The following AQR variants were observed in gnomAD, a reference collection of about 807,000 sequenced individuals.
AQR encodes the protein aquarius intron-binding spliceosomal factor.
A neutral mutation model predicts 180.5 loss-of-function variants in AQR; 61 were observed. That is an observed-to-expected ratio of 0.34 (90% CI 0.28 to 0.42). The LOEUF (loss-of-function observed/expected upper bound fraction) is 0.42. AQR is among the 10% of genes least tolerant of loss of function. The pLI, the probability that AQR is intolerant of heterozygous loss-of-function variation, is 1.00. For synonymous variants in AQR, 551 were observed against 588.8 expected (o/e 0.94, Z 0.93); for missense variants, 1,281 against 1,798.3 (o/e 0.71, Z 5.20).
Position 34,904,435 on chromosome 15 carries a change from A to G in AQR, c.1902T>C (p.Tyr634=). The change falls in exon 19 of 35, where the codon TAT becomes TAC. Residue 634 remains tyrosine (Y), a synonymous_variant. Transcript: ENST00000156471. ...GTATAGTATTGGTCATATCTTGTTG[A>G]TACTGGTTTGGATCCAAAAACACTC... ...TFRVFLDPNQ[Y]QQDMTNTIQN... 2.5e-6 allele frequency: 4 copies of G among 1,612,416 alleles called. No individual in the cohort carries two copies. The highest frequency in any genetic ancestry group is 1.1e-5 in the South Asian group (1 of 90,796).
Position 34,873,891 on chromosome 15 carries a change from C to G in AQR, c.3534G>C (p.Gln1178His). The G allele has an allele frequency of 6.2e-7, 1 of 1,610,932 alleles. No homozygotes were observed. The highest frequency in any genetic ancestry group is 8.5e-7 in the Non-Finnish European group (1 of 1,178,190). ...TANAGLLYDF[Q>H]LINVEDFQGV... ...CTTGAAAATCTTCAACATTAATGAGCTGGAAGTCATACAGTAAGCCAGCAT... is the reference window on the plus strand; with the variant it reads ...CTTGAAAATCTTCAACATTAATGAGGTGGAAGTCATACAGTAAGCCAGCAT... Residue 1178 changes from glutamine to histidine, a missense_variant, in exon 30 of 35, where the codon CAG becomes CAC. Physicochemically the swap from Gln to His is conservative, Grantham distance 24 (BLOSUM62 0). Around this residue, in one of 9 missense-constraint regions of AQR, gnomAD observed 197 missense variants for 320.7 expected, o/e 0.61. Transcript: ENST00000156471.
intron 6 of AQR, among the ~76,000 whole-genome samples, 168 bp downstream of exon 6, chr15:34,944,120 C>T (rs151101392): frequency 2.6e-4 from 39 of 152,280 alleles, no homozygotes; most frequent in African/African-American, 8.9e-4. Flanking sequence ...ATCTTAAAGA[C>T]TTATAAAATG....
rs368693341 is a variant in AQR, at chr15:34,934,556, C to T, written c.783+15G>A. ...TAATGATTATATAACAAAAAAGTCACGGTAGATTTCTTACCTCTAGATCAA... is the reference window on the plus strand; with the variant it reads ...TAATGATTATATAACAAAAAAGTCATGGTAGATTTCTTACCTCTAGATCAA... On this transcript the variant is annotated intron_variant, in intron 10 of 34. Transcript: ENST00000156471. 41 of 1,567,706 alleles carry T rather than the reference C, an allele frequency of 2.6e-5. No individual in the cohort carries two copies. In the African/African-American group the frequency reaches 3.3e-4, roughly 13 times the overall value.
At position 34,944,324 on chromosome 15, in the gene AQR, G is replaced by A. The variant is rs1321891220; in HGVS notation, c.435C>T (p.Val145=). The A allele has an allele frequency of 6.2e-7, 1 of 1,607,926 alleles. No homozygotes were observed. Among genetic ancestry groups the A allele is most frequent in the Non-Finnish European group, 8.5e-7 (1 of 1,177,696 alleles). The change falls in exon 6 of 35, where the codon GTC becomes GTT. Residue 145 remains valine, a synonymous_variant. Coordinates refer to ENST00000156471, the MANE Select transcript of AQR (RefSeq NM_014691.3). ...DGEFSLHEQT[V]LLLFLDHCFN... is the part of the protein sequence containing the mutation. ...AGCAATGATCAAGAAAAAGTAGTAA[G>A]ACTGTCTGTTCATGAAGTGAAAATT...
rs1167731286 is a variant in AQR, at chr15:34,938,785, G to T, written c.670C>A (p.Gln224Lys). 1.9e-6 allele frequency: 3 copies of T among 1,609,348 alleles called. No homozygotes were observed. Among genetic ancestry groups the T allele is most frequent in the Non-Finnish European group, 2.5e-6 (3 of 1,176,676 alleles). ...QAYQERRFLS[Q>K]LIQKFISVLK... ...ACAGAGATAAACTTCTGGATGAGTT[G>T]TGAAAGAAATCTCCTCTCTTGATAT... The change falls in exon 9 of 35, where the codon CAA becomes AAA. Residue 224 changes from glutamine to lysine, a missense_variant. Physicochemically the swap from Gln to Lys is moderately conservative, Grantham distance 53 (BLOSUM62 1). Transcript: ENST00000156471.
chr15:34,945,415 C>G (rs753514011), intron 5 of AQR, among the ~76,000 whole-genome samples: 12 of 152,216 alleles, frequency 7.9e-5, no homozygotes, highest in Non-Finnish European at 1.3e-4. Context: ...GCTACTTCAA[C>G]TGATTATCAA....
intron 1 of AQR, among the ~76,000 whole-genome samples, chr15:34,966,695 T>C (rs974611571): frequency 2.0e-5 from 3 of 152,182 alleles, no homozygotes; most frequent in African/African-American, 7.2e-5. Context: ...AATGGATACA[T>C]AAGTGAATTA....
At chr15:34,920,611 CAAA>C (rs1893668910) in intron 13 of AQR, among the ~76,000 whole-genome samples, 177 bp from the exon 14 acceptor site, 1 of 152,168 alleles carries the variant, frequency 6.6e-6, no homozygotes, top group African/African-American at 2.4e-5. Context: ...ATATTTTCTG[CAAA>C]CCTCTCATTG....
intron 13 of AQR, among the ~76,000 whole-genome samples, chr15:34,921,348 C>T (rs1212196530): frequency 4.7e-5 from 7 of 149,554 alleles, no homozygotes; most frequent in Admixed American, 4.0e-4. Flanking sequence ...GCAGGAGAAT[C>T]GCTTAAACCC....
intron 27 of AQR, among the ~76,000 whole-genome samples, chr15:34,881,011 G>A (rs904591540): frequency 3.9e-5 from 6 of 152,156 alleles, no homozygotes; most frequent in Non-Finnish European, 5.9e-5. Flanking sequence ...ACCCGTTGAC[G>A]TGTAGCATGA....
At chr15:34,963,575 T>C (rs1304212050) in intron 2 of AQR, among the ~76,000 whole-genome samples, 1 of 152,166 alleles carries the variant, frequency 6.6e-6, no homozygotes, top group Admixed American at 6.5e-5. Context: ...AGATATTTAT[T>C]ACATGATCAT....
chr15:34,866,660 C>T lies in AQR; in HGVS notation c.3854+864G>A, dbSNP rs191592312. 2.0e-5 allele frequency among the ~76,000 whole-genome samples: 3 copies of T among 152,160 alleles called. No individual in the cohort carries two copies. The East Asian group carries it at 5.8e-4, about 29-fold the overall frequency. ...AATTATATAAACCATAGTGACAGTC[C>T]ATTCAGATGGCAGTTATAAATCTCA... is the stretch of plus-strand genomic sequence containing the variant. On this transcript the variant is annotated intron_variant, in intron 32 of 34. Coordinates refer to ENST00000156471, the MANE Select transcript of AQR (RefSeq NM_014691.3).
chr15:34,904,887 A>C (rs1330758864), intron 18 of AQR, among the ~76,000 whole-genome samples: 1 of 152,012 alleles, frequency 6.6e-6, no homozygotes, highest in Admixed American at 6.5e-5. Context: ...ATATTTTCTA[A>C]TTAAATATAT....
At chr15:34,959,689 C>G (rs2050262887) in intron 3 of AQR, among the ~76,000 whole-genome samples, 1 of 152,250 alleles carries the variant, frequency 6.6e-6, no homozygotes, top group Non-Finnish European at 1.5e-5. Flanking sequence ...TCTTCCTTTT[C>G]CTACATCTGC....
At chr15:34,946,432 G>GGT (rs1242100285) in intron 5 of AQR, among the ~76,000 whole-genome samples, 1 of 140,888 alleles carries the variant, frequency 7.1e-6, no homozygotes. Context: ...GAGGGAGGTG[G>GGT]GGGGGGTCAG....
chr15:34,871,316 G>A (rs1448052838), intron 30 of AQR, among the ~76,000 whole-genome samples: 1 of 152,040 alleles, frequency 6.6e-6, no homozygotes, highest in Non-Finnish European at 1.5e-5. Flanking sequence ...AGACCAGCCT[G>A]GACAACATGG....
At position 34,897,599 on chromosome 15, in the gene AQR, T is replaced by C. The variant is rs573223594; in HGVS notation, c.2350A>G (p.Ile784Val). The change falls in exon 21 of 35, where the codon ATT becomes GTT. Residue 784 changes from isoleucine to valine, a missense_variant. By Grantham distance (29) the Ile-to-Val change is conservative (BLOSUM62 3). This residue lies in a region of AQR where 112 missense variants were observed against 128.6 expected (regional missense o/e 0.87). Transcript: ENST00000156471. ...AKTLIVEPHV[I>V]PNRGPYPYNQ... is the part of the protein sequence containing the mutation. ...TAAGGATAAGGACCCCTATTAGGAA[T>C]AACATGGGGCTCAACAATTAAGGTT... The C allele has an allele frequency of 6.2e-7, 1 of 1,614,144 alleles. No individual in the cohort carries two copies. Among genetic ancestry groups the C allele is most frequent in the African/African-American group, 1.3e-5 (1 of 75,064 alleles).
rs139793606 is a variant in AQR, at chr15:34,962,398, G to A, written c.133-1584C>T. On this transcript the variant is annotated intron_variant, in intron 2 of 34. Transcript: ENST00000156471. ...GTGGTAAAGGGAGGGAGGCGATAAG[G>A]AAAACAAGTCTTGTTCAATCTAGAT... is the stretch of plus-strand genomic sequence containing the variant. 2.0e-3 allele frequency among the ~76,000 whole-genome samples: 303 copies of A among 152,234 alleles called. 2 individuals carry two copies. Among genetic ancestry groups the A allele is most frequent in the African/African-American group, 6.8e-3 (284 of 41,544 alleles).
chr15:34,881,684 A>G (rs1341782404), intron 27 of AQR, among the ~76,000 whole-genome samples: 6 of 152,204 alleles, frequency 3.9e-5, no homozygotes, highest in Non-Finnish European at 7.4e-5. Context: ...AGAGTATTCC[A>G]TATCCTCATA....
Sources: gnomAD v4.1 joint callset for allele counts (sites outside exome capture counted in the v4.1 genomes callset) on GRCh38, gnomAD v4.1.1 for gene constraint, gnomAD v4.1.1 regional missense constraint, MANE v1.5 for transcripts, NCBI Gene and HGNC (gene_info 2026-07-23, HGNC 2026-07-21) for gene names.